DMD: variants seen among roughly 807,000 people sequenced by gnomAD.
DMD encodes the protein dystrophin.
In DMD, 63 loss-of-function variants were observed where a neutral mutation model predicts 330.1. The observed-to-expected ratio is 0.19, with a 90% confidence interval of 0.16 to 0.24. DMD has a LOEUF of 0.24. DMD is among the 10% of genes least tolerant of loss of function. DMD has a pLI of 1.00. For synonymous variants in DMD, 1,223 were observed against 959.8 expected (o/e 1.27, Z -5.07); for missense variants, 3,344 against 2,684.1 (o/e 1.25, Z -5.43).
At chrX:31,279,612 G>A (rs1344381926) in intron 62 of DMD, among the ~76,000 whole-genome samples, 1 of 112,259 alleles carries the variant, frequency 8.9e-6, no homozygotes, top group Non-Finnish European at 1.9e-5. Context: ...CACAAACCTA[G>A]TTGCATCTGT....
At chrX:31,575,828 T>G (rs2076068887) in intron 55 of DMD, among the ~76,000 whole-genome samples, 1 of 111,968 alleles carries the variant, frequency 8.9e-6, no homozygotes, top group Non-Finnish European at 1.9e-5. Context: ...TTTAATCTTA[T>G]ATATTTATAT....
intron 30 of DMD, among the ~76,000 whole-genome samples, chrX:32,403,899 GCTGT>G (rs1219206393): frequency 1.8e-5 from 2 of 111,697 alleles, no homozygotes; most frequent in African/African-American, 3.2e-5. Flanking sequence ...GCAGGTTTCT[GCTGT>G]CTAACTCATA....
At chrX:32,773,934 G>A (rs949609281) in intron 7 of DMD, among the ~76,000 whole-genome samples, 9 of 111,203 alleles carry the variant, frequency 8.1e-5, no homozygotes, top group African/African-American at 2.9e-4. Flanking sequence ...GTTTACACTT[G>A]CAATGTGTGA....
At chrX:31,308,814 C>T (rs757437817) in intron 62 of DMD, among the ~76,000 whole-genome samples, 4 of 111,139 alleles carry the variant, frequency 3.6e-5, no homozygotes, top group Middle Eastern at 4.2e-3. Context: ...ACTGCAACCT[C>T]TGCCTCCAGG....
chrX:31,591,954 C>G (rs1411393000), intron 55 of DMD, among the ~76,000 whole-genome samples: 2 of 111,008 alleles, frequency 1.8e-5, no homozygotes, highest in Admixed American at 1.9e-4. Context: ...GCCTTTAACA[C>G]TTGACTCAAA....
chrX:32,886,312 G>A (rs769048959), intron 2 of DMD, among the ~76,000 whole-genome samples: 37 of 109,914 alleles, frequency 3.4e-4, no homozygotes, highest in Non-Finnish European at 6.3e-4. Context: ...TTGGTGGGCA[G>A]TGTAAACTGG....
intron 9 of DMD, among the ~76,000 whole-genome samples, chrX:32,671,062 C>G (rs760083784): frequency 9.0e-6 from 1 of 110,805 alleles, no homozygotes; most frequent in East Asian, 2.8e-4. Context: ...TGTTGGAACA[C>G]AATTTAAGAA....
intron 47 of DMD, among the ~76,000 whole-genome samples, chrX:31,892,059 C>A (rs889709025): frequency 9.0e-6 from 1 of 111,639 alleles, no homozygotes; most frequent in Non-Finnish European, 1.9e-5. Context: ...TTTAGCTGGG[C>A]CATCCATCTG....
At chrX:32,166,753 G>T (rs2096869815) in intron 44 of DMD, among the ~76,000 whole-genome samples, 1 of 111,480 alleles carries the variant, frequency 9.0e-6, no homozygotes, top group South Asian at 3.8e-4. Flanking sequence ...CAGTCATGCA[G>T]ATTGGCTTAA....
At chrX:33,142,807 T>C (rs1247297883) in intron 1 of DMD, among the ~76,000 whole-genome samples, 1 of 112,361 alleles carries the variant, frequency 8.9e-6, no homozygotes, top group Non-Finnish European at 1.9e-5. Context: ...TGGTACTAAT[T>C]TAAATGGTAC....
intron 62 of DMD, among the ~76,000 whole-genome samples, chrX:31,263,675 C>T (rs12845663): frequency 0.19 from 20,950 of 111,148 alleles, 2,036 homozygotes; most frequent in African/African-American, 0.36. Flanking sequence ...GCTAACCTTT[C>T]TCACCTTCAA....
intron 19 of DMD, among the ~76,000 whole-genome samples, chrX:32,498,853 G>A (rs1373645064): frequency 2.7e-5 from 3 of 111,616 alleles, no homozygotes; most frequent in Admixed American, 9.6e-5. Context: ...ACCATCAAAT[G>A]AGGTTCCCTT....
At chrX:32,830,695 C>T (rs2079084481) in intron 4 of DMD, among the ~76,000 whole-genome samples, 1 of 111,749 alleles carries the variant, frequency 8.9e-6, no homozygotes, top group African/African-American at 3.2e-5. Flanking sequence ...TTTTGTAGTT[C>T]CTGTCAACAG....
intron 18 of DMD, among the ~76,000 whole-genome samples, chrX:32,504,185 A>G (rs1349721159): frequency 1.8e-5 from 2 of 112,593 alleles, no homozygotes; most frequent in Non-Finnish European, 3.8e-5. Flanking sequence ...AATTACAATT[A>G]TTTAATTCCA....
intron 55 of DMD, among the ~76,000 whole-genome samples, chrX:31,517,716 G>C (rs2072358460): frequency 9.0e-6 from 1 of 110,662 alleles, no homozygotes; most frequent in African/African-American, 3.3e-5. Flanking sequence ...AGGTAAAGAA[G>C]AGGGATGCTA....
At chrX:31,819,886 A>G (rs2092715543) in intron 50 of DMD, 89 bp downstream of exon 50, 1 of 761,822 alleles carries the variant, frequency 1.3e-6, no homozygotes, top group East Asian at 3.2e-5. Flanking sequence ...GAATTGAAAC[A>G]AATTTTCTCT....
intron 53 of DMD, among the ~76,000 whole-genome samples, chrX:31,665,209 T>C (rs1342396279): frequency 8.9e-6 from 1 of 112,018 alleles, no homozygotes; most frequent in African/African-American, 3.2e-5. Context: ...TTATTTTAAC[T>C]GAGCTTTGAA....
At chrX:32,854,263 G>A (rs941791208) in intron 2 of DMD, among the ~76,000 whole-genome samples, 23 of 111,297 alleles carry the variant, frequency 2.1e-4, no homozygotes, top group Non-Finnish European at 4.0e-4. Context: ...ATCACCACAT[G>A]GAGGATTCTC....
At chrX:31,702,854 CTTTT>C (rs534843685) in intron 52 of DMD, among the ~76,000 whole-genome samples, 1 of 89,073 alleles carries the variant, frequency 1.1e-5, no homozygotes. Context: ...TCAGAGAAGT[CTTTT>C]TTTTTTTTTT....
Sources: gnomAD v4.1 joint callset for allele counts (sites outside exome capture counted in the v4.1 genomes callset) on GRCh38, gnomAD v4.1.1 for gene constraint, MANE v1.5 for transcripts, NCBI Gene and HGNC (gene_info 2026-07-23, HGNC 2026-07-21) for gene names.